Variants in CTNNA3 observed in about 807,000 individuals in gnomAD.
The protein encoded by CTNNA3 is catenin alpha 3, also known as catenin alpha-3.
A neutral mutation model predicts 95.7 loss-of-function variants in CTNNA3; 76 were observed. The ratio of observed to expected loss-of-function variants is 0.79; its 90% CI spans 0.66 to 0.96. The LOEUF (loss-of-function observed/expected upper bound fraction) is 0.96, where lower values mean the gene tolerates loss of function less well. CTNNA3 is among the 40% of genes least tolerant of loss of function. The pLI is 0.00. For missense variants in CTNNA3, 1,191 were observed against 1,089.8 expected (o/e 1.09, Z -1.31); for synonymous variants, 431 against 374.4 (o/e 1.15, Z -1.74).
At chr10:67,021,590 T>G (rs1853019413) in intron 7 of CTNNA3, among the ~76,000 whole-genome samples, 1 of 152,050 alleles carries the variant, frequency 6.6e-6, no homozygotes. Flanking sequence ...GAAAGTTATG[T>G]AGTGATATGA....
At chr10:67,392,332 A>C (rs1275621818) in intron 5 of CTNNA3, among the ~76,000 whole-genome samples, 1 of 152,220 alleles carries the variant, frequency 6.6e-6, no homozygotes, top group Non-Finnish European at 1.5e-5. Context: ...CCATCAGAGA[A>C]ATGCAAATCA....
At chr10:67,504,451 A>AAAAAAAAAAAAAAAAAAAC (rs1564699349) in intron 5 of CTNNA3, among the ~76,000 whole-genome samples, 1 of 143,614 alleles carries the variant, frequency 7.0e-6, no homozygotes, top group Non-Finnish European at 1.5e-5. Context: ...AAAAAAAAAA[A>AAAAAAAAAAAAAAAAAAAC]AAAAAAAAAC....
chr10:66,616,217 C>A (rs759481927), intron 10 of CTNNA3, among the ~76,000 whole-genome samples: 2 of 152,024 alleles, frequency 1.3e-5, no homozygotes, highest in Non-Finnish European at 2.9e-5. Flanking sequence ...TTGTGCCCCC[C>A]ACAAAATACC....
chr10:67,353,949 G>C (rs1465285717), intron 5 of CTNNA3, among the ~76,000 whole-genome samples: 2 of 151,926 alleles, frequency 1.3e-5, no homozygotes, highest in Non-Finnish European at 2.9e-5. Flanking sequence ...AGGTTTGAAA[G>C]GTAAATTGCA....
chr10:66,074,570 C>G lies in CTNNA3; in HGVS notation c.1978-5081G>C, dbSNP rs550942197. 2.7e-3 allele frequency among the ~76,000 whole-genome samples: 408 copies of G among 151,938 alleles called. 2 individuals are homozygous for G. The highest frequency in any genetic ancestry group is 9.5e-3 in the African/African-American group (393 of 41,554). ...TCTTCCCTTCCCCCAATTTGTTGGT[C>G]CAAATTTAATCATATTTCCAGGCCA... On this transcript the variant is annotated intron_variant, in intron 14 of 17. Coordinates refer to ENST00000433211, the MANE Select transcript of CTNNA3 (RefSeq NM_013266.4).
intron 16 of CTNNA3, among the ~76,000 whole-genome samples, chr10:65,987,230 A>G (rs1042677528): frequency 2.8e-4 from 42 of 152,238 alleles, no homozygotes; most frequent in African/African-American, 9.9e-4. Context: ...TGCACAGCAA[A>G]GAAAACAATT....
intron 2 of CTNNA3, among the ~76,000 whole-genome samples, chr10:67,620,950 T>TATATATATATATAC (rs1491566283): frequency 2.1e-5 from 3 of 144,296 alleles, no homozygotes; most frequent in Admixed American, 6.9e-5. Flanking sequence ...TATATATATA[T>TATATATATATATAC]ACAGAAATGT....
At chr10:67,279,506 C>T (rs1298760853) in intron 5 of CTNNA3, among the ~76,000 whole-genome samples, 1 of 151,886 alleles carries the variant, frequency 6.6e-6, no homozygotes, top group Non-Finnish European at 1.5e-5. Flanking sequence ...TATGGAAATA[C>T]ACACACTGCA....
intron 7 of CTNNA3, among the ~76,000 whole-genome samples, chr10:67,005,477 G>A (rs1267436823): frequency 2.0e-5 from 3 of 151,814 alleles, no homozygotes; most frequent in Admixed American, 6.6e-5. Flanking sequence ...TGATCACATA[G>A]GCCATAGGTT....
At chr10:66,215,083 G>T (rs544055669) in intron 13 of CTNNA3, among the ~76,000 whole-genome samples, 2 of 152,194 alleles carry the variant, frequency 1.3e-5, no homozygotes, top group African/African-American at 4.8e-5. Context: ...CTTGATTTCA[G>T]TCCTCATTGG....
intron 5 of CTNNA3, among the ~76,000 whole-genome samples, chr10:67,294,707 G>A (rs1257284159): frequency 6.6e-6 from 1 of 151,886 alleles, no homozygotes; most frequent in Non-Finnish European, 1.5e-5. Context: ...TCTTTTACTG[G>A]GGGAAAGTAC....
chr10:66,873,005 A>T (rs1844474818), intron 7 of CTNNA3, among the ~76,000 whole-genome samples: 2 of 152,248 alleles, frequency 1.3e-5, no homozygotes, highest in South Asian at 2.1e-4. Context: ...CTGCATCCGT[A>T]ATGCTGCAAA....
chr10:66,987,619 G>C (rs1002163495), intron 7 of CTNNA3, among the ~76,000 whole-genome samples: 3 of 152,154 alleles, frequency 2.0e-5, no homozygotes, highest in African/African-American at 7.2e-5. Context: ...AATCATTGAG[G>C]AAATGTCTTG....
chr10:66,477,411 G>A (rs964374985), intron 11 of CTNNA3, among the ~76,000 whole-genome samples: 4 of 152,056 alleles, frequency 2.6e-5, no homozygotes, highest in Non-Finnish European at 5.9e-5. Flanking sequence ...ATCTGGCTTA[G>A]AGGAAGTAAA....
At chr10:67,461,421 T>C (rs1421514085) in intron 5 of CTNNA3, among the ~76,000 whole-genome samples, 1 of 152,028 alleles carries the variant, frequency 6.6e-6, no homozygotes, top group African/African-American at 2.4e-5. Flanking sequence ...CTACTTAGCT[T>C]GTAGTCTATG....
chr10:66,463,816 G>C (rs1020251680), intron 11 of CTNNA3, among the ~76,000 whole-genome samples: 3 of 151,676 alleles, frequency 2.0e-5, no homozygotes, highest in Non-Finnish European at 4.4e-5. Flanking sequence ...CTTAAAGTCA[G>C]AACAGAGAAC....
chr10:66,320,993 T>C (rs1283710232), intron 12 of CTNNA3, among the ~76,000 whole-genome samples: 1 of 152,064 alleles, frequency 6.6e-6, no homozygotes, highest in Non-Finnish European at 1.5e-5. Flanking sequence ...AATAACTCTC[T>C]CTTTAAATGC....
chr10:66,655,110 C>G (rs2394268), intron 9 of CTNNA3, among the ~76,000 whole-genome samples: 100,003 of 151,632 alleles, frequency 0.66, 33,864 homozygotes, highest in East Asian at 0.95. Context: ...AAAATGTTAA[C>G]TATGTGAAGT....
At chr10:66,966,155 C>T (rs1011884486) in intron 7 of CTNNA3, among the ~76,000 whole-genome samples, 1 of 151,852 alleles carries the variant, frequency 6.6e-6, no homozygotes, top group Non-Finnish European at 1.5e-5. Flanking sequence ...AGTGAAGCTT[C>T]TGACAGAAGA....
Sources: gnomAD v4.1 joint callset for allele counts (sites outside exome capture counted in the v4.1 genomes callset) on GRCh38, gnomAD v4.1.1 for gene constraint, MANE v1.5 for transcripts, NCBI Gene and HGNC (gene_info 2026-07-23, HGNC 2026-07-21) for gene names.